The following PCDH9 variants were observed in gnomAD, a reference collection of about 807,000 sequenced individuals.
PCDH9 encodes the protein protocadherin-9.
A neutral mutation model predicts 70.6 loss-of-function variants in PCDH9; 24 were observed. The observed-to-expected ratio is 0.34, with a 90% CI of 0.25 to 0.48. PCDH9 has a LOEUF of 0.48. PCDH9 is among the 20% of genes least tolerant of loss of function. PCDH9 has a pLI of 0.99. For synonymous variants in PCDH9, 562 were observed against 558.5 expected (o/e 1.01, Z -0.09); for missense variants, 1,281 against 1,503.6 (o/e 0.85, Z 2.45).
intron 2 of PCDH9, among the ~76,000 whole-genome samples, chr13:66,908,285 T>G (rs1203348615): frequency 6.6e-6 from 1 of 152,226 alleles, no homozygotes; most frequent in Admixed American, 6.5e-5. Flanking sequence ...ATTTATGTAC[T>G]GGCCTTCAAG....
intron 3 of PCDH9, among the ~76,000 whole-genome samples, chr13:66,758,506 T>C (rs7323621): frequency 0.29 from 44,246 of 151,858 alleles, 6,717 homozygotes; most frequent in East Asian, 0.44. Flanking sequence ...CACTGTGTAA[T>C]GAATAGAACA....
At chr13:66,703,425 A>T (rs1329137808) in intron 3 of PCDH9, among the ~76,000 whole-genome samples, 2 of 152,154 alleles carry the variant, frequency 1.3e-5, no homozygotes, top group Non-Finnish European at 2.9e-5. Flanking sequence ...TGACCTAATG[A>T]ACTTTAGTTA....
At chr13:66,955,761 G>C (rs1212731742) in intron 2 of PCDH9, among the ~76,000 whole-genome samples, 1 of 152,110 alleles carries the variant, frequency 6.6e-6, no homozygotes, top group Non-Finnish European at 1.5e-5. Flanking sequence ...GGGAGAAATT[G>C]CGTTTGTTAT....
intron 3 of PCDH9, among the ~76,000 whole-genome samples, chr13:66,814,914 C>T (rs1333336943): frequency 6.6e-6 from 1 of 151,940 alleles, no homozygotes; most frequent in Non-Finnish European, 1.5e-5. Flanking sequence ...CAAATGAAAC[C>T]AAATTAAAAT....
At chr13:66,469,528 A>T (rs1284823905) in intron 4 of PCDH9, among the ~76,000 whole-genome samples, 1 of 152,008 alleles carries the variant, frequency 6.6e-6, no homozygotes, top group Non-Finnish European at 1.5e-5. Context: ...GAATAACTTC[A>T]AATTGTAACC....
At chr13:66,780,571 A>AT (rs1308337192) in intron 3 of PCDH9, among the ~76,000 whole-genome samples, 1 of 151,936 alleles carries the variant, frequency 6.6e-6, no homozygotes, top group Non-Finnish European at 1.5e-5. Context: ...GTCAACAGCA[A>AT]TTTTTTTCAG....
At chr13:66,955,902 G>A (rs2083259540) in intron 2 of PCDH9, among the ~76,000 whole-genome samples, 1 of 152,054 alleles carries the variant, frequency 6.6e-6, no homozygotes, top group African/African-American at 2.4e-5. Context: ...CACCGGCCTG[G>A]CCAATATGGT....
chr13:66,408,159 C>T (rs374917227), intron 4 of PCDH9, among the ~76,000 whole-genome samples: 1 of 151,174 alleles, frequency 6.6e-6, no homozygotes, highest in African/African-American at 2.4e-5. Flanking sequence ...CCCGGGTTCA[C>T]GCCATTCTCC....
chr13:66,942,058 A>G (rs1033643130), intron 2 of PCDH9, among the ~76,000 whole-genome samples: 4 of 151,942 alleles, frequency 2.6e-5, no homozygotes, highest in African/African-American at 4.8e-5. Flanking sequence ...CTACACTTCA[A>G]TATAACCCAT....
chr13:67,208,684 A>T (rs528420027), intron 2 of PCDH9: 1 of 152,202 alleles, frequency 6.6e-6, no homozygotes, highest in Non-Finnish European at 1.5e-5. Flanking sequence ...AAAAAAATGT[A>T]AGTACATTTG....
chr13:67,068,013 A>G (rs1566402321), intron 2 of PCDH9, among the ~76,000 whole-genome samples: 1 of 152,152 alleles, frequency 6.6e-6, no homozygotes, highest in Non-Finnish European at 1.5e-5. Context: ...AAATTCCTCT[A>G]AACATAGCAC....
intron 3 of PCDH9, among the ~76,000 whole-genome samples, chr13:66,706,785 T>A (rs555350555): frequency 6.6e-6 from 1 of 152,256 alleles, no homozygotes; most frequent in African/African-American, 2.4e-5. Context: ...AGCAAGATAA[T>A]TATTTGTCAG....
At chr13:67,051,051 G>A (rs1423955670) in intron 2 of PCDH9, among the ~76,000 whole-genome samples, 1 of 152,026 alleles carries the variant, frequency 6.6e-6, no homozygotes. Context: ...TATATTAATG[G>A]CCACAAATGA....
intron 4 of PCDH9, among the ~76,000 whole-genome samples, chr13:66,417,648 T>C (rs143257445): frequency 0.078 from 11,908 of 152,256 alleles, 601 homozygotes; most frequent in Middle Eastern, 0.13. Flanking sequence ...TTCCTATTTC[T>C]CCACATCCTC....
At chr13:66,496,728 G>T (rs57003571) in intron 4 of PCDH9, among the ~76,000 whole-genome samples, 1 of 152,020 alleles carries the variant, frequency 6.6e-6, no homozygotes, top group East Asian at 1.9e-4. Flanking sequence ...CCAACAATTA[G>T]GTACTTGTCC....
chr13:67,072,044 T>A (rs2085777639), intron 2 of PCDH9, among the ~76,000 whole-genome samples: 1 of 152,180 alleles, frequency 6.6e-6, no homozygotes, highest in Admixed American at 6.6e-5. Context: ...ATAAGGCTTA[T>A]TTTTAATCAT....
At chr13:66,316,882 C>T (rs1258626556) in intron 4 of PCDH9, among the ~76,000 whole-genome samples, 1 of 152,076 alleles carries the variant, frequency 6.6e-6, no homozygotes, top group East Asian at 1.9e-4. Flanking sequence ...ACAACAACGC[C>T]TGGCTAATTT....
At chr13:67,050,063 C>T (rs2085293933) in intron 2 of PCDH9, among the ~76,000 whole-genome samples, 1 of 152,162 alleles carries the variant, frequency 6.6e-6, no homozygotes. Context: ...GAATCCCAGG[C>T]TGATACTGTG....
At chr13:66,604,767 A>G (rs1363260675) in intron 4 of PCDH9, among the ~76,000 whole-genome samples, 2 of 151,938 alleles carry the variant, frequency 1.3e-5, no homozygotes, top group Non-Finnish European at 2.9e-5. Context: ...CATTCAATAG[A>G]AACCATTCAT....
Sources: allele counts gnomAD v4.1 joint callset (sites outside exome capture counted in the v4.1 genomes callset), GRCh38; gene constraint gnomAD v4.1.1; transcripts MANE v1.5; gene names NCBI Gene and HGNC (gene_info 2026-07-23, HGNC 2026-07-21).